The following GALNTL6 variants were observed in gnomAD, a reference collection of about 807,000 sequenced individuals.
The protein encoded by GALNTL6 is polypeptide N-acetylgalactosaminyltransferase-like 6.
In GALNTL6, 46 loss-of-function variants were observed where a neutral mutation model predicts 73.7. The observed-to-expected ratio is 0.62, with a 90% CI of 0.49 to 0.80. The LOEUF (loss-of-function observed/expected upper bound fraction) is 0.80. GALNTL6 is among the 30% of genes least tolerant of loss of function. GALNTL6 has a pLI of 0.00. For synonymous variants in GALNTL6, 259 were observed against 263.7 expected (o/e 0.98, Z 0.17); for missense variants, 604 against 755.0 (o/e 0.80, Z 2.34).
rs1215629775 is a variant in GALNTL6, at chr4:172,809,898, C to T, written c.739+352C>T. Reference sequence around the variant, plus strand: ...AAACTCTTTTATAATCCTGTAGCTACAGCAAGATTAAAATACACACACACA... The same window carrying T: ...AAACTCTTTTATAATCCTGTAGCTATAGCAAGATTAAAATACACACACACA... On this transcript the variant is annotated intron_variant, in intron 6 of 12. Transcript: ENST00000506823. This position sits in a 1 kb window ranked among gnomAD's most constrained non-coding sequence, Gnocchi z 4.4. 6.8e-6 allele frequency among the ~76,000 whole-genome samples: 1 copy of T among 148,090 alleles called. No homozygotes were observed. Among genetic ancestry groups the T allele is most frequent in the African/African-American group, 2.5e-5 (1 of 39,530 alleles).
intron 2 of GALNTL6, among the ~76,000 whole-genome samples, chr4:172,026,117 T>A (rs1231217472): frequency 6.6e-6 from 1 of 152,002 alleles, no homozygotes; most frequent in Non-Finnish European, 1.5e-5. Flanking sequence ...TTTTAAAAAA[T>A]AAAGTATACA....
intron 2 of GALNTL6, among the ~76,000 whole-genome samples, chr4:171,844,340 T>C (rs545779153): frequency 1.3e-5 from 2 of 152,088 alleles, no homozygotes; most frequent in Non-Finnish European, 2.9e-5. Flanking sequence ...AGGTGTATTT[T>C]TTTTCTAGAT....
chr4:172,665,827 T>G (rs1560866708), intron 5 of GALNTL6, among the ~76,000 whole-genome samples: 1 of 152,218 alleles, frequency 6.6e-6, no homozygotes, highest in Non-Finnish European at 1.5e-5. Context: ...TGATTTTTGT[T>G]ATTTTTTTAC....
intron 3 of GALNTL6, among the ~76,000 whole-genome samples, chr4:172,271,017 C>G (rs1738627770): frequency 6.6e-6 from 1 of 151,692 alleles, no homozygotes; most frequent in African/African-American, 2.4e-5. Flanking sequence ...AGATAAAGAC[C>G]CAGACAGTCT....
At chr4:172,343,051 A>T (rs1741625784) in intron 4 of GALNTL6, among the ~76,000 whole-genome samples, 1 of 152,206 alleles carries the variant, frequency 6.6e-6, no homozygotes, top group Non-Finnish European at 1.5e-5. Flanking sequence ...GAAGCAAAAA[A>T]GGGAATAGTT....
At chr4:173,039,500 G>T (rs1449990027) in intron 12 of GALNTL6, among the ~76,000 whole-genome samples, 1 of 152,098 alleles carries the variant, frequency 6.6e-6, no homozygotes, top group African/African-American at 2.4e-5. Flanking sequence ...TGAGCAGGGG[G>T]TATTATTTAC....
chr4:172,757,785 T>C (rs1737835310), intron 5 of GALNTL6, among the ~76,000 whole-genome samples: 1 of 152,216 alleles, frequency 6.6e-6, no homozygotes, highest in Non-Finnish European at 1.5e-5. Context: ...AAATGGAAAG[T>C]AAATGTTGAG....
At chr4:172,671,265 ATTCT>A (rs1453170494) in intron 5 of GALNTL6, among the ~76,000 whole-genome samples, 1 of 152,024 alleles carries the variant, frequency 6.6e-6, no homozygotes, top group Non-Finnish European at 1.5e-5. Flanking sequence ...TATGATATTG[ATTCT>A]TTCTATCCAT....
At chr4:173,033,024 G>A (rs776852282) in intron 12 of GALNTL6, among the ~76,000 whole-genome samples, 21 of 151,896 alleles carry the variant, frequency 1.4e-4, no homozygotes, top group Non-Finnish European at 2.5e-4. Context: ...TTTTTGAGAC[G>A]GAGTCTCGCT....
intron 5 of GALNTL6, among the ~76,000 whole-genome samples, chr4:172,588,706 A>G (rs545352879): frequency 2.0e-4 from 30 of 152,318 alleles, no homozygotes; most frequent in African/African-American, 6.7e-4. Flanking sequence ...CTAACCACAG[A>G]TAAATGCTAC....
chr4:172,385,281 A>C (rs1388048087), intron 5 of GALNTL6, among the ~76,000 whole-genome samples: 1 of 151,982 alleles, frequency 6.6e-6, no homozygotes, highest in Non-Finnish European at 1.5e-5. Flanking sequence ...TCTATAGATT[A>C]TGGTTATACG....
At chr4:172,018,950 T>A (rs886351230) in intron 2 of GALNTL6, among the ~76,000 whole-genome samples, 1 of 152,110 alleles carries the variant, frequency 6.6e-6, no homozygotes, top group Non-Finnish European at 1.5e-5. Context: ...ATGTTTTGTG[T>A]GACTCCCTAA....
chr4:171,973,005 T>C (rs1414969605), intron 2 of GALNTL6, among the ~76,000 whole-genome samples: 1 of 152,188 alleles, frequency 6.6e-6, no homozygotes, highest in Non-Finnish European at 1.5e-5. Context: ...AACAAAAATA[T>C]AAAACTATGC....
chr4:172,925,189 T>C (rs1747993001), intron 8 of GALNTL6, among the ~76,000 whole-genome samples: 1 of 148,734 alleles, frequency 6.7e-6, no homozygotes, highest in Admixed American at 6.6e-5. Context: ...TTTTTTTTTT[T>C]TAAAGTGATC....
intron 6 of GALNTL6, 78 bp from the exon 7 acceptor site, chr4:172,813,462 G>A (rs1741425568): frequency 1.6e-6 from 2 of 1,246,944 alleles, no homozygotes; most frequent in Non-Finnish European, 2.3e-6. Flanking sequence ...GTGGAGGACT[G>A]TAGGCTTCTC....
intron 2 of GALNTL6, among the ~76,000 whole-genome samples, chr4:171,999,475 A>G (rs955056699): frequency 6.6e-6 from 1 of 152,188 alleles, no homozygotes; most frequent in Non-Finnish European, 1.5e-5. Context: ...TCCAGTGACC[A>G]TAATGTCTTT....
chr4:172,216,519 A>G (rs1029837561), intron 2 of GALNTL6, among the ~76,000 whole-genome samples: 1 of 152,072 alleles, frequency 6.6e-6, no homozygotes, highest in Admixed American at 6.6e-5. Flanking sequence ...CAATTTGAAT[A>G]TGATATGCTT....
intron 5 of GALNTL6, among the ~76,000 whole-genome samples, chr4:172,618,831 C>A (rs939993034): frequency 3.3e-5 from 5 of 152,110 alleles, no homozygotes; most frequent in Admixed American, 2.0e-4. Context: ...TCAAGCAATT[C>A]TCTTGCCTTA....
At chr4:172,438,056 C>T (rs1005516458) in intron 5 of GALNTL6, among the ~76,000 whole-genome samples, 6 of 152,112 alleles carry the variant, frequency 3.9e-5, no homozygotes, top group African/African-American at 1.4e-4. Context: ...CCCACTATTT[C>T]TACTAATTGT....
Sources: allele counts gnomAD v4.1 joint callset (sites outside exome capture counted in the v4.1 genomes callset), GRCh38; gene constraint gnomAD v4.1.1; non-coding constraint Gnocchi (gnomAD v3.1); transcripts MANE v1.5; gene names NCBI Gene and HGNC (gene_info 2026-07-23, HGNC 2026-07-21).